The following PXDNL variants were observed in gnomAD, a reference collection of about 807,000 sequenced individuals.
PXDNL encodes the protein peroxidasin like.
Under a neutral mutation model 150.8 loss-of-function variants are expected in PXDNL, and 145 were observed. That is an observed-to-expected ratio of 0.96 (90% CI 0.84 to 1.10). PXDNL has a LOEUF of 1.10. Ranked by LOEUF, PXDNL falls within the 50% of genes least tolerant of loss-of-function variation. The probability of loss-of-function intolerance (pLI) is 0.00; values close to 1 mark genes in which losing one functional copy is unlikely to be tolerated. For synonymous variants in PXDNL, 757 were observed against 725.7 expected (o/e 1.04, Z -0.69); for missense variants, 2,087 against 1,873.9 (o/e 1.11, Z -2.10).
At chr8:51,605,156 C>T (rs1813814481) in intron 2 of PXDNL, among the ~76,000 whole-genome samples, 1 of 151,858 alleles carries the variant, frequency 6.6e-6, no homozygotes, top group Admixed American at 6.6e-5. Flanking sequence ...TATTCTAGGA[C>T]ATATTTATGA....
At chr8:51,615,011 CA>C (rs1471284106) in intron 2 of PXDNL, among the ~76,000 whole-genome samples, 1 of 152,108 alleles carries the variant, frequency 6.6e-6, no homozygotes, top group African/African-American at 2.4e-5. Context: ...AGTTGAACTT[CA>C]AAAAGTTTAA....
At chr8:51,512,571 T>C (rs1357144808) in intron 4 of PXDNL, among the ~76,000 whole-genome samples, 1 of 152,234 alleles carries the variant, frequency 6.6e-6, no homozygotes, top group Non-Finnish European at 1.5e-5. Flanking sequence ...ATCCTGCATG[T>C]AGGCTAGGAT....
chr8:51,763,325 A>G (rs2037187025), intron 1 of PXDNL, among the ~76,000 whole-genome samples: 1 of 151,894 alleles, frequency 6.6e-6, no homozygotes. Context: ...AGTATTAAAA[A>G]AAAAAAAAAG....
chr8:51,507,559 G>A (rs1811320398), intron 4 of PXDNL, among the ~76,000 whole-genome samples: 1 of 152,320 alleles, frequency 6.6e-6, no homozygotes, highest in Admixed American at 6.5e-5. Context: ...AAGATTCAAA[G>A]AAATGAAATT....
chr8:51,648,041 A>G (rs7010751), intron 2 of PXDNL, among the ~76,000 whole-genome samples: 127,598 of 152,114 alleles, frequency 0.84, 53,801 homozygotes, highest in African/African-American at 0.92. Flanking sequence ...CACATAAAGG[A>G]TAGCCTTTTT....
At chr8:51,477,063 T>G (rs1456730864) in intron 6 of PXDNL, among the ~76,000 whole-genome samples, 1 of 152,212 alleles carries the variant, frequency 6.6e-6, no homozygotes, top group Non-Finnish European at 1.5e-5. Context: ...AACCTGAAAG[T>G]AAAGAAATTG....
intron 1 of PXDNL, among the ~76,000 whole-genome samples, chr8:51,740,517 C>A (rs967934143): frequency 4.6e-5 from 7 of 152,112 alleles, no homozygotes; most frequent in Admixed American, 3.3e-4. Context: ...TTTTAATAAT[C>A]GCCACTCTGA....
intron 12 of PXDNL, among the ~76,000 whole-genome samples, chr8:51,439,824 C>A (rs1363261447): frequency 3.0e-3 from 305 of 101,436 alleles, no homozygotes; most frequent in Admixed American, 3.8e-3. Flanking sequence ...GACTCCATCT[C>A]AAAAAAAAAA....
intron 17 of PXDNL, among the ~76,000 whole-genome samples, chr8:51,402,467 C>A (rs1008549883): frequency 1.1e-4 from 16 of 151,754 alleles, no homozygotes; most frequent in Non-Finnish European, 4.4e-5. Flanking sequence ...TGCAGCAAGC[C>A]GAGATCGCAC....
chr8:51,488,585 C>T (rs116428583), intron 5 of PXDNL, among the ~76,000 whole-genome samples: 258 of 152,202 alleles, frequency 1.7e-3, no homozygotes, highest in African/African-American at 5.7e-3. Flanking sequence ...AGCTGAAACT[C>T]AAGAGAAAAA....
intron 4 of PXDNL, among the ~76,000 whole-genome samples, chr8:51,543,204 G>T (rs1401303839): frequency 6.6e-6 from 1 of 152,156 alleles, no homozygotes; most frequent in East Asian, 1.9e-4. Flanking sequence ...CTTTCACTCA[G>T]TTCAAACTCA....
chr8:51,709,988 A>G (rs552114356), intron 1 of PXDNL, among the ~76,000 whole-genome samples: 2 of 148,966 alleles, frequency 1.3e-5, no homozygotes, highest in Admixed American at 6.6e-5. Context: ...TAATGTTTAT[A>G]TTATCCATAA....
intron 2 of PXDNL, among the ~76,000 whole-genome samples, chr8:51,603,838 G>C (rs1162674602): frequency 6.6e-6 from 1 of 152,048 alleles, no homozygotes; most frequent in African/African-American, 2.4e-5. Context: ...AAATTGTAAA[G>C]AAAATATTTA....
chr8:51,696,179 C>A (rs1228653532), intron 1 of PXDNL, among the ~76,000 whole-genome samples: 1 of 152,254 alleles, frequency 6.6e-6, no homozygotes, highest in Admixed American at 6.5e-5. Context: ...TTAATTGTGT[C>A]CCCCTAAAAT....
chr8:51,432,835 T>A (rs2129812353), intron 12 of PXDNL, among the ~76,000 whole-genome samples: 1 of 152,350 alleles, frequency 6.6e-6, no homozygotes, highest in East Asian at 1.9e-4. Context: ...AACATTTGTT[T>A]TCTATGTCTT....
intron 1 of PXDNL, among the ~76,000 whole-genome samples, chr8:51,773,873 T>C (rs977063872): frequency 6.6e-6 from 1 of 152,226 alleles, no homozygotes; most frequent in South Asian, 2.1e-4. Context: ...ATGTGTAATG[T>C]ACAAAAAACT....
At chr8:51,620,847 T>G (rs1814236882) in intron 2 of PXDNL, among the ~76,000 whole-genome samples, 1 of 152,184 alleles carries the variant, frequency 6.6e-6, no homozygotes, top group African/African-American at 2.4e-5. Flanking sequence ...TGCCTGGCCT[T>G]AAATACTTTT....
At chr8:51,701,279 G>A (rs1341724802) in intron 1 of PXDNL, among the ~76,000 whole-genome samples, 1 of 152,058 alleles carries the variant, frequency 6.6e-6, no homozygotes, top group African/African-American at 2.4e-5. Context: ...AAAAACTGAT[G>A]GATGCAGGCG....
chr8:51,484,383 C>A (rs143310147), intron 5 of PXDNL, among the ~76,000 whole-genome samples: 1 of 148,142 alleles, frequency 6.8e-6, no homozygotes, highest in Non-Finnish European at 1.5e-5. Flanking sequence ...TTTAGTGAGC[C>A]GAGATTGCAC....
Sources: allele counts gnomAD v4.1 joint callset (sites outside exome capture counted in the v4.1 genomes callset), GRCh38; gene constraint gnomAD v4.1.1; transcripts MANE v1.5; gene names NCBI Gene and HGNC (gene_info 2026-07-23, HGNC 2026-07-21).